Variants in ALPK1 observed in about 807,000 individuals in gnomAD.
ALPK1 encodes alpha-protein kinase 1.
Under a neutral mutation model 120.6 loss-of-function variants are expected in ALPK1, and 110 were observed. The ratio of observed to expected loss-of-function variants is 0.91; its 90% CI spans 0.78 to 1.07. The LOEUF (loss-of-function observed/expected upper bound fraction) is 1.07, where lower values mean the gene tolerates loss of function less well. Ranked by LOEUF, ALPK1 falls within the 50% of genes least tolerant of loss-of-function variation. ALPK1 has a pLI of 0.00. For synonymous variants in ALPK1, 582 were observed against 560.3 expected, an observed-to-expected ratio of 1.04 and a Z score of -0.55; for missense variants, 1,498 against 1,483.9, an observed-to-expected ratio of 1.01 and a Z score of -0.16.
intron 2 of ALPK1, chr4:112,359,218 A>G (rs1730795829): frequency 3.4e-6 from 2 of 583,438 alleles, no homozygotes; most frequent in Non-Finnish European, 6.2e-6. Context: ...AGCCACCCAC[A>G]GTGGGGGTCC....
intron 2 of ALPK1, among the ~76,000 whole-genome samples, chr4:112,341,011 G>A (rs1009899218): frequency 1.3e-5 from 2 of 152,142 alleles, no homozygotes; most frequent in Non-Finnish European, 2.9e-5. Flanking sequence ...GGGAAATAAA[G>A]ATCCCAGCAA....
intron 1 of ALPK1, among the ~76,000 whole-genome samples, chr4:112,304,985 A>G (rs1727968021): frequency 6.6e-6 from 1 of 152,072 alleles, no homozygotes; most frequent in Admixed American, 6.5e-5. Context: ...CAGTTTTCCC[A>G]GCACCATTTA....
At chr4:112,429,676 A>G (rs1033732557) in intron 10 of ALPK1, among the ~76,000 whole-genome samples, 10 of 152,090 alleles carry the variant, frequency 6.6e-5, no homozygotes, top group Non-Finnish European at 1.2e-4. Flanking sequence ...TCTACAAAAA[A>G]TTAAAAAATA....
chr4:112,420,988 A>G (rs985169465), intron 5 of ALPK1, among the ~76,000 whole-genome samples: 1 of 152,088 alleles, frequency 6.6e-6, no homozygotes, highest in Non-Finnish European at 1.5e-5. Flanking sequence ...GCACGCCACC[A>G]TGCCTGGCTA....
intron 2 of ALPK1, chr4:112,359,606 G>A (rs1730820382): frequency 4.1e-6 from 1 of 246,660 alleles, no homozygotes; most frequent in African/African-American, 2.3e-5. Context: ...GGTGCAAGAA[G>A]CCTGGGAAGA....
At chr4:112,421,895 T>C (rs1734010611) in intron 5 of ALPK1, among the ~76,000 whole-genome samples, 1 of 152,342 alleles carries the variant, frequency 6.6e-6, no homozygotes, top group South Asian at 2.1e-4. Flanking sequence ...CTTTATTAAG[T>C]TGAGAATTTT....
intron 5 of ALPK1, among the ~76,000 whole-genome samples, chr4:112,419,214 G>A (rs1247133722): frequency 6.6e-6 from 1 of 152,046 alleles, no homozygotes; most frequent in African/African-American, 2.4e-5. Flanking sequence ...TAAATATATT[G>A]GTATGAATAA....
At chr4:112,362,347 GAT>G (rs1478106074) in intron 2 of ALPK1, among the ~76,000 whole-genome samples, 1 of 152,068 alleles carries the variant, frequency 6.6e-6, no homozygotes, top group Non-Finnish European at 1.5e-5. Context: ...AATGATACAA[GAT>G]ATTAATGGAA....
At chr4:112,352,662 G>A (rs1426133911) in intron 2 of ALPK1, 2 of 152,118 alleles carry the variant, frequency 1.3e-5, no homozygotes, top group African/African-American at 4.8e-5. Context: ...ATCCACAGGT[G>A]GTTGAATTCA....
At chr4:112,309,543 G>A (rs763780602) in intron 1 of ALPK1, among the ~76,000 whole-genome samples, 3 of 152,068 alleles carry the variant, frequency 2.0e-5, no homozygotes, top group South Asian at 4.1e-4. Flanking sequence ...GGGACCCTCC[G>A]AGCCAGGCGT....
In ALPK1 at chr4:112,319,707, C is replaced by G. The variant is rs959499916; in HGVS notation, c.-101+3855C>G. Among the ~76,000 whole-genome samples the G allele has an allele frequency of 2.6e-5, 4 of 152,274 alleles. 1 individual carries two copies. Among genetic ancestry groups the G allele is most frequent in the African/African-American group, 9.6e-5 (4 of 41,562 alleles). ...ATGTGTTTCCATTTGTTTGTGTCAT[C>G]TATCATTTCTTTCAGCAGTATTTTG... On this transcript the variant is annotated intron_variant, in intron 2 of 15. Transcript: ENST00000650871.
At chr4:112,357,052 G>C in intron 2 of ALPK1, 1 of 897,660 alleles carries the variant, frequency 1.1e-6, no homozygotes, top group Non-Finnish European at 1.8e-6. Flanking sequence ...GCTCAGGGCT[G>C]AACATGGAGC....
rs1206530047 is a variant in ALPK1 at position 112,430,737 on chromosome 4, G to A, written c.1190G>A (p.Arg397Lys). ...CTGTACAATTTCAGCACTTCCTCCA[G>A]AAGTCAGGACAGAGAAGCTCTGTCT... Reference protein sequence around the residue: ...GKLYNFSTSSRSQDREALSQE... With the variant: ...GKLYNFSTSSKSQDREALSQE... The change falls in exon 11 of 16, where the codon AGA becomes AAA. Residue 397 changes from arginine (R) to lysine (K), a missense_variant. Arg to Lys is a conservative substitution (Grantham distance 26, BLOSUM62 2). Coordinates refer to ENST00000650871, the MANE Select transcript of ALPK1 (RefSeq NM_025144.4). 2 of 1,614,246 alleles carry A rather than the reference G, an allele frequency of 1.2e-6. No individual in the cohort carries two copies. The highest frequency in any genetic ancestry group is 2.2e-5 in the South Asian group (2 of 91,084).
chr4:112,416,438 T>TGAAGCACAGAG (rs1733749877), intron 5 of ALPK1, among the ~76,000 whole-genome samples: 1 of 151,794 alleles, frequency 6.6e-6, no homozygotes, highest in Admixed American at 6.6e-5. Context: ...GAGAGCTAAG[T>TGAAGCACAGAG]AGATGAAAAT....
Position 112,431,356 on chromosome 4 carries a change from C to T in ALPK1, c.1809C>T (p.Asp603=), listed in dbSNP as rs114800164. 1,534 of 1,614,174 alleles carry T rather than the reference C, an allele frequency of 9.5e-4. 13 individuals carry two copies. The African/African-American group carries it at 0.017, about 18-fold the overall frequency. Residue 603 remains aspartate, a synonymous_variant, in exon 11 of 16, where the codon GAC becomes GAT. Transcript: ENST00000650871. ...ASWEEVNYHV[D]DRSARKEPGK... is the part of the protein sequence containing the mutation. ...GGGAGGAAGTGAATTATCACGTTGA[C>T]GACAGGTCAGCCAGAAAAGAGCCTG...
At chr4:112,381,171 CA>C (rs1731888952) in intron 3 of ALPK1, among the ~76,000 whole-genome samples, 1 of 152,176 alleles carries the variant, frequency 6.6e-6, no homozygotes, top group Non-Finnish European at 1.5e-5. Context: ...GACAATAATT[CA>C]GGCAAGAATT....
intron 2 of ALPK1, among the ~76,000 whole-genome samples, chr4:112,346,118 T>C (rs939849965): frequency 1.3e-5 from 2 of 152,166 alleles, no homozygotes; most frequent in African/African-American, 4.8e-5. Context: ...CCACCTGGGC[T>C]TCCCAAAGTG....
chr4:112,424,140 T>C, intron 6 of ALPK1, 137 bp downstream of exon 6: 1 of 711,806 alleles, frequency 1.4e-6, no homozygotes. Flanking sequence ...CTGCCACTGA[T>C]GAATGAAGAA....
chr4:112,432,186 C>T lies in ALPK1; in HGVS notation c.2639C>T (p.Pro880Leu), dbSNP rs995767778. 8.1e-6 allele frequency: 13 copies of T among 1,614,086 alleles called. No individual in the cohort carries two copies. The highest frequency in any genetic ancestry group is 2.2e-5 in the East Asian group (1 of 44,894). Residue 880 changes from proline to leucine, a missense_variant, in exon 11 of 16, where the codon CCG (proline) becomes CTG (leucine). Pro to Leu is a moderately conservative substitution (Grantham distance 98). Coordinates refer to ENST00000650871, the MANE Select transcript of ALPK1 (RefSeq NM_025144.4). ...GSHRLCILRQ[P>L]PGQRAETPNS... ...CATAGACTGTGCATTCTGAGACAGC[C>T]GCCTGGTCAGAGGGCGGAGACCCCC...
Sources: gnomAD v4.1 joint callset for allele counts (sites outside exome capture counted in the v4.1 genomes callset) on GRCh38, gnomAD v4.1.1 for gene constraint, MANE v1.5 for transcripts, NCBI Gene and HGNC (gene_info 2026-07-23, HGNC 2026-07-21) for gene names.